Variants in RPS6KA3 observed in about 807,000 individuals in gnomAD.
The protein encoded by RPS6KA3 is ribosomal protein S6 kinase alpha-3.
In RPS6KA3, 4 loss-of-function variants were observed where a neutral mutation model predicts 67.2. The observed-to-expected ratio is 0.06, with a 90% CI of 0.03 to 0.14. RPS6KA3 has a LOEUF of 0.14. RPS6KA3 is among the 10% of genes least tolerant of loss of function. The probability of loss-of-function intolerance (pLI) is 1.00; values close to 1 mark genes in which losing one functional copy is unlikely to be tolerated. For missense variants in RPS6KA3, 204 were observed against 559.0 expected (o/e 0.36, Z 6.40); for synonymous variants, 182 against 183.7 (o/e 0.99, Z 0.07).
At chrX:20,211,173 A>G (rs890425551) in intron 2 of RPS6KA3, among the ~76,000 whole-genome samples, 2 of 111,466 alleles carry the variant, frequency 1.8e-5, no homozygotes, top group Non-Finnish European at 3.8e-5. Context: ...TTAATGTTAG[A>G]GAGGGCTGAT....
At chrX:20,229,875 T>C (rs754396521) in intron 2 of RPS6KA3, among the ~76,000 whole-genome samples, 1 of 112,050 alleles carries the variant, frequency 8.9e-6, no homozygotes, top group Non-Finnish European at 1.9e-5. Flanking sequence ...CTGACCTGTC[T>C]CTAGAATGCA....
At position 20,209,878 on chromosome X, in the gene RPS6KA3, A is replaced by G. The variant is rs781235600; in HGVS notation, c.127-474T>C. ...GAGGAGAGGGGTTGAAAAATATTCC[A>G]GGGTAAACATGGAGATTTCTAACCT... On this transcript the variant is annotated intron_variant, in intron 2 of 21. Coordinates refer to ENST00000379565, the MANE Select transcript of RPS6KA3 (RefSeq NM_004586.3). 8.9e-5 allele frequency among the ~76,000 whole-genome samples: 10 copies of G among 112,335 alleles called. No individual in the cohort carries two copies. The East Asian group carries it at 1.1e-3, about 13-fold the overall frequency.
At chrX:20,258,285 A>C (rs2070128335) in intron 1 of RPS6KA3, among the ~76,000 whole-genome samples, 1 of 111,982 alleles carries the variant, frequency 8.9e-6, no homozygotes, top group Admixed American at 9.5e-5. Flanking sequence ...GCTGATCCAG[A>C]AATTTTTTGT....
intron 5 of RPS6KA3, among the ~76,000 whole-genome samples, chrX:20,194,485 C>T (rs2068220709): frequency 9.0e-6 from 1 of 111,141 alleles, no homozygotes; most frequent in Non-Finnish European, 1.9e-5. Flanking sequence ...ACAGGCAAGT[C>T]ACTCAGGAAT....
chrX:20,175,421 C>T (rs772948724), intron 13 of RPS6KA3, 133 bp from the exon 14 acceptor site: 18 of 634,283 alleles, frequency 2.8e-5, no homozygotes, highest in Non-Finnish European at 4.5e-5. Context: ...TCTTGCTTTC[C>T]AGGATACCTG....
intron 1 of RPS6KA3, among the ~76,000 whole-genome samples, chrX:20,256,186 A>G (rs1253568576): frequency 9.6e-6 from 1 of 104,065 alleles, no homozygotes; most frequent in Non-Finnish European, 2.0e-5. Context: ...AAAAAAAAAA[A>G]AAAAAAAAAA....
chrX:20,234,065 C>A (rs1454502397), intron 2 of RPS6KA3, among the ~76,000 whole-genome samples: 4 of 112,135 alleles, frequency 3.6e-5, no homozygotes, highest in Non-Finnish European at 7.5e-5. Context: ...AACAAAAAAA[C>A]CAGATGAGGA....
At chrX:20,219,034 C>T (rs1233491055) in intron 2 of RPS6KA3, 11 of 388,554 alleles carry the variant, frequency 2.8e-5, no homozygotes, top group South Asian at 5.2e-5. Context: ...AGAAACCTGC[C>T]GGCAGGGGCA....
rs112566025 is a variant in RPS6KA3, at chrX:20,155,127, A to G, written c.*271T>C. On this transcript the variant is annotated 3_prime_UTR_variant, in exon 22 of 22. Transcript: ENST00000379565. ...TTCAGTGTATTTTTAGGTGGTATTC[A>G]TATGTTCATTATTTTTCTCATTGAT... The G allele has an allele frequency of 0.01, 3,655 of 363,493 alleles. 125 individuals carry two copies. Among genetic ancestry groups the G allele is most frequent in the African/African-American group, 0.086 (3,328 of 38,697 alleles). The allele number at this position is 363,493 out of a possible 1,213,427, so 30.0% of individuals were successfully genotyped here. A position where few individuals can be genotyped will look rare whatever the true frequency, so the allele number is the denominator to read the frequency against.
At chrX:20,221,552 T>C (rs977089345) in intron 2 of RPS6KA3, among the ~76,000 whole-genome samples, 1 of 111,925 alleles carries the variant, frequency 8.9e-6, no homozygotes, top group Non-Finnish European at 1.9e-5. Flanking sequence ...GGACAGATAG[T>C]AAATATTTTC....
intron 4 of RPS6KA3, among the ~76,000 whole-genome samples, chrX:20,199,817 A>G (rs1244235246): frequency 8.9e-6 from 1 of 112,386 alleles, no homozygotes; most frequent in African/African-American, 3.2e-5. Flanking sequence ...ACCAGCAATT[A>G]ACTTCATCAC....
intron 2 of RPS6KA3, among the ~76,000 whole-genome samples, chrX:20,226,194 C>A (rs1470922597): frequency 2.7e-5 from 3 of 111,080 alleles, no homozygotes; most frequent in Non-Finnish European, 5.7e-5. Flanking sequence ...TAAATAAATA[C>A]ATAAATAAGA....
At chrX:20,266,513 C>A in intron 1 of RPS6KA3, 51 bp downstream of exon 1, 1 of 1,021,903 alleles carries the variant, frequency 9.8e-7, no homozygotes, top group Non-Finnish European at 1.3e-6. Context: ...AGCGAGCCGG[C>A]GGGGGCGCGA....
At chrX:20,186,451 T>G in intron 9 of RPS6KA3, 85 bp from the exon 10 acceptor site, 1 of 586,961 alleles carries the variant, frequency 1.7e-6, no homozygotes, top group Non-Finnish European at 2.9e-6. Context: ...AAAAGCATCA[T>G]TTTAATTATA....
chrX:20,193,815 T>C (rs192645818), intron 6 of RPS6KA3, among the ~76,000 whole-genome samples: 87 of 112,467 alleles, frequency 7.7e-4, no homozygotes, highest in Non-Finnish European at 1.2e-3. Context: ...TAATTTTACA[T>C]TTTATTGTTA....
Position 20,193,519 on chromosome X carries a change from C to G in RPS6KA3, c.561G>C (p.Leu187=). The part of the protein sequence containing the change: ...LALALDHLHS[L]GIIYRDLKPE... ...GTTTTAAGTCTCTATAAATTATTCC[C>G]AGGCTATGTAGATGGTCTAAAGCAA... The change falls in exon 7 of 22, where the codon CTG becomes CTC. Residue 187 remains leucine, a synonymous_variant. Coordinates refer to ENST00000379565, the MANE Select transcript of RPS6KA3 (RefSeq NM_004586.3). 1 of 1,192,979 alleles carries G rather than the reference C, an allele frequency of 8.4e-7. No individual in the cohort carries two copies. Among genetic ancestry groups the G allele is most frequent in the Non-Finnish European group, 1.1e-6 (1 of 879,075 alleles).
rs978598295 is a variant in RPS6KA3, at chrX:20,204,156, T to C, written c.244-53A>G. The stretch of plus-strand genomic sequence containing the variant: ...TTACAAAGTAGTATAAACTATATCC[T>C]TGTTAAAATAAGACCCTGCTATAAT... On this transcript the variant is annotated intron_variant, in intron 3 of 21. Transcript: ENST00000379565. 5 of 794,092 alleles carry C rather than the reference T, an allele frequency of 6.3e-6. No homozygotes were observed. The African/African-American group carries it at 1.0e-4, about 16-fold the overall frequency. The allele number at this position is 794,092 out of a possible 1,213,427, so 65.4% of individuals were successfully genotyped here. A position where few individuals can be genotyped will look rare whatever the true frequency, so the allele number is the denominator to read the frequency against.
At chrX:20,176,205 A>G (rs778698821) in intron 13 of RPS6KA3, 45 bp downstream of exon 13, 1 of 851,647 alleles carries the variant, frequency 1.2e-6, no homozygotes, top group Non-Finnish European at 1.8e-6. Context: ...CAAGAAAAAA[A>G]CATATTTGTT....
chrX:20,252,112 T>G (rs944074427), intron 1 of RPS6KA3, among the ~76,000 whole-genome samples: 10 of 112,474 alleles, frequency 8.9e-5, no homozygotes, highest in Non-Finnish European at 1.5e-4. Flanking sequence ...AGTAAGTTTA[T>G]TTGTTACTGT....
Sources: gnomAD v4.1 joint callset for allele counts (sites outside exome capture counted in the v4.1 genomes callset) on GRCh38, gnomAD v4.1.1 for gene constraint, MANE v1.5 for transcripts, NCBI Gene and HGNC (gene_info 2026-07-23, HGNC 2026-07-21) for gene names.